MLLT3: variants seen among roughly 807,000 people sequenced by gnomAD.
MLLT3 encodes protein AF-9.
MLLT3 carries 4 observed loss-of-function variants against 53.2 expected under a neutral mutation model. The observed-to-expected ratio is 0.08, with a 90% CI of 0.04 to 0.17. The LOEUF (loss-of-function observed/expected upper bound fraction) is 0.17. Among genes scored for constraint, MLLT3 ranks in the 10% least tolerant of loss-of-function variants. The probability of loss-of-function intolerance (pLI) is 1.00; values close to 1 mark genes in which losing one functional copy is unlikely to be tolerated. For synonymous variants in MLLT3, 283 were observed against 230.6 expected (o/e 1.23, Z -2.06); for missense variants, 569 against 684.0 (o/e 0.83, Z 1.87).
At chr9:20,513,688 A>G (rs1817823656) in intron 2 of MLLT3, among the ~76,000 whole-genome samples, 1 of 152,296 alleles carries the variant, frequency 6.6e-6, no homozygotes, top group African/African-American at 2.4e-5. Flanking sequence ...CTGTATCTGT[A>G]TGTCCATGAG....
At chr9:20,542,501 C>T (rs1298700600) in intron 2 of MLLT3, among the ~76,000 whole-genome samples, 5 of 152,106 alleles carry the variant, frequency 3.3e-5, no homozygotes, top group East Asian at 1.9e-4. Context: ...CCACCCGCCT[C>T]GGCCTCCCAA....
chr9:20,555,098 T>C (rs1349016457), intron 2 of MLLT3, among the ~76,000 whole-genome samples: 1 of 152,156 alleles, frequency 6.6e-6, no homozygotes, highest in East Asian at 1.9e-4. Context: ...ATAAAGCATA[T>C]GGTGGTGGCC....
At chr9:20,425,137 G>A (rs1823111389) in intron 4 of MLLT3, among the ~76,000 whole-genome samples, 1 of 152,142 alleles carries the variant, frequency 6.6e-6, no homozygotes, top group Non-Finnish European at 1.5e-5. Context: ...CATAGTTGGT[G>A]AGCCAACTAA....
intron 8 of MLLT3, 50 bp from the exon 9 acceptor site, chr9:20,354,929 A>C: frequency 7.5e-7 from 1 of 1,336,624 alleles, no homozygotes; most frequent in Non-Finnish European, 1.1e-6. Flanking sequence ...AGCATCTCTT[A>C]GCTAACCAGC....
chr9:20,378,604 T>C (rs1243477884), intron 5 of MLLT3, among the ~76,000 whole-genome samples: 1 of 152,084 alleles, frequency 6.6e-6, no homozygotes, highest in Non-Finnish European at 1.5e-5. Flanking sequence ...TTTGAAATTA[T>C]CTGTGGCTCT....
intron 2 of MLLT3, among the ~76,000 whole-genome samples, chr9:20,552,871 T>G (rs1357265116): frequency 1.3e-5 from 2 of 152,182 alleles, no homozygotes; most frequent in African/African-American, 4.8e-5. Flanking sequence ...AAAACCACTT[T>G]CAGTAATGAG....
At chr9:20,388,836 AT>A (rs1484156159) in intron 5 of MLLT3, among the ~76,000 whole-genome samples, 1 of 152,160 alleles carries the variant, frequency 6.6e-6, no homozygotes, top group Non-Finnish European at 1.5e-5. Context: ...TGGTGAAAAT[AT>A]TGGTAATAAC....
At chr9:20,447,907 A>G (rs1823744315) in intron 4 of MLLT3, among the ~76,000 whole-genome samples, 1 of 152,146 alleles carries the variant, frequency 6.6e-6, no homozygotes. Flanking sequence ...GTTTTAATAA[A>G]TAGTGTAATT....
chr9:20,573,987 C>G (rs1819593726), intron 2 of MLLT3, among the ~76,000 whole-genome samples: 1 of 152,168 alleles, frequency 6.6e-6, no homozygotes, highest in Non-Finnish European at 1.5e-5. Context: ...GAACTGGTGA[C>G]TGGTTACTCC....
intron 2 of MLLT3, among the ~76,000 whole-genome samples, chr9:20,573,194 T>G (rs201400704): frequency 0.41 from 61,145 of 149,222 alleles, 12,724 homozygotes; most frequent in Middle Eastern, 0.5. Flanking sequence ...TTTTGTTTTT[T>G]TTTTTTGAGA....
intron 2 of MLLT3, among the ~76,000 whole-genome samples, chr9:20,518,342 G>C (rs148286939): frequency 2.0e-5 from 3 of 152,044 alleles, no homozygotes; most frequent in Admixed American, 6.6e-5. Context: ...CAAAAACTCC[G>C]TCTCAAAACA....
chr9:20,591,052 G>A (rs1820116082), intron 2 of MLLT3, among the ~76,000 whole-genome samples: 1 of 152,010 alleles, frequency 6.6e-6, no homozygotes, highest in East Asian at 1.9e-4. Flanking sequence ...ACCTAGCCTT[G>A]ACAGTTTTTA....
intron 2 of MLLT3, among the ~76,000 whole-genome samples, chr9:20,543,883 T>C (rs1818711875): frequency 6.6e-6 from 1 of 152,236 alleles, no homozygotes; most frequent in African/African-American, 2.4e-5. Context: ...GATGCAAGGT[T>C]ACCACAAACC....
intron 7 of MLLT3, among the ~76,000 whole-genome samples, chr9:20,362,544 C>T (rs1261289300): frequency 5.3e-5 from 8 of 151,990 alleles, no homozygotes; most frequent in Non-Finnish European, 1.2e-4. Context: ...GGAATGCTGA[C>T]AGGTTGGTCT....
intron 2 of MLLT3, among the ~76,000 whole-genome samples, chr9:20,595,821 A>C (rs2131191412): frequency 6.6e-6 from 1 of 152,326 alleles, no homozygotes; most frequent in African/African-American, 2.4e-5. Flanking sequence ...ACAAAAGCAC[A>C]TATACTATCT....
intron 2 of MLLT3, among the ~76,000 whole-genome samples, chr9:20,582,738 A>G (rs1819828544): frequency 6.6e-6 from 1 of 152,174 alleles, no homozygotes; most frequent in Admixed American, 6.5e-5. Context: ...TGATAAACCC[A>G]TCAGATCTTG....
At chr9:20,542,236 A>ATTTTTTTTTTTTTTT (rs1563809276) in intron 2 of MLLT3, among the ~76,000 whole-genome samples, 1 of 136,770 alleles carries the variant, frequency 7.3e-6, no homozygotes. Context: ...ATGAGCAGTA[A>ATTTTTTTTTTTTTTT]TATTTTTTTT....
intron 2 of MLLT3, among the ~76,000 whole-genome samples, chr9:20,584,637 T>C (rs965567521): frequency 6.6e-6 from 1 of 152,130 alleles, no homozygotes. Context: ...AAACCTCTGA[T>C]AAACCCATCA....
intron 2 of MLLT3, among the ~76,000 whole-genome samples, chr9:20,509,166 C>T (rs963039634): frequency 1.3e-5 from 2 of 152,172 alleles, no homozygotes; most frequent in African/African-American, 4.8e-5. Context: ...TGAGTGGGTT[C>T]TTCAAACTCT....
Sources: gnomAD v4.1 joint callset for allele counts (sites outside exome capture counted in the v4.1 genomes callset) on GRCh38, gnomAD v4.1.1 for gene constraint, MANE v1.5 for transcripts, NCBI Gene and HGNC (gene_info 2026-07-23, HGNC 2026-07-21) for gene names.